CPT1C: variants seen among roughly 807,000 people sequenced by gnomAD.
CPT1C encodes the protein palmitoyl thioesterase CPT1C.
In CPT1C, 61 loss-of-function variants were observed where a neutral mutation model predicts 97.3. The observed-to-expected ratio is 0.63, with a 90% CI of 0.51 to 0.78. CPT1C has a LOEUF of 0.78. Ranked by LOEUF, CPT1C falls within the 30% of genes least tolerant of loss-of-function variation. CPT1C has a pLI of 0.00. For synonymous variants in CPT1C, 469 were observed against 447.2 expected, an observed-to-expected ratio of 1.05 and a Z score of -0.61; for missense variants, 975 against 1,065.5, an observed-to-expected ratio of 0.92 and a Z score of 1.18.
chr19:49,694,628 CAAA>C (rs1160047948), intron 3 of CPT1C, among the ~76,000 whole-genome samples: 9 of 64,802 alleles, frequency 1.4e-4, no homozygotes, highest in South Asian at 5.7e-4. Context: ...GACTCCGTTT[CAAA>C]AAAAAAAAAA....
At chr19:49,712,599 G>C in intron 17 of CPT1C, 137 bp from the exon 18 acceptor site, 1 of 666,232 alleles carries the variant, frequency 1.5e-6, no homozygotes, top group South Asian at 1.7e-5. Flanking sequence ...GGCGTGGTCA[G>C]GAGAAGGGCG....
At chr19:49,705,785 G>T in intron 10 of CPT1C, 124 bp from the exon 11 acceptor site, 1 of 860,266 alleles carries the variant, frequency 1.2e-6, no homozygotes, top group East Asian at 2.5e-5. Flanking sequence ...AAAAGTCCTA[G>T]GGTGCTGATG....
intron 14 of CPT1C, 52 bp downstream of exon 14, chr19:49,708,891 G>C: frequency 2.6e-6 from 3 of 1,173,044 alleles, no homozygotes; most frequent in Non-Finnish European, 3.8e-6. Context: ...TCCTAGCCTT[G>C]ACTTCAAACT....
intron 7 of CPT1C, among the ~76,000 whole-genome samples, chr19:49,702,591 G>C (rs1600093683): frequency 6.6e-6 from 1 of 150,442 alleles, no homozygotes; most frequent in African/African-American, 2.5e-5. Flanking sequence ...CTGCACTTCG[G>C]CCTGGGCCAC....
At chr19:49,696,922 G>A (rs551181207) in intron 3 of CPT1C, among the ~76,000 whole-genome samples, 5 of 150,462 alleles carry the variant, frequency 3.3e-5, no homozygotes, top group Admixed American at 6.6e-5. Flanking sequence ...GTGAGCCACC[G>A]CTGGTCTTGA....
At chr19:49,697,618 G>C in intron 4 of CPT1C, 153 bp downstream of exon 4, 1 of 881,238 alleles carries the variant, frequency 1.1e-6, no homozygotes, top group East Asian at 2.7e-5. Flanking sequence ...AGAAAAAGGA[G>C]GTGAGGCCGG....
Position 49,711,970 on chromosome 19 carries a change from A to G in CPT1C, c.2019+9A>G. ...CGCCCTTCCTGACCCAGGTTGGGGC[A>G]CAGGGAAAGGGTTAGAGAGGGAAGT... On this transcript the variant is annotated intron_variant, in intron 17 of 19. Coordinates refer to ENST00000598293, the MANE Select transcript of CPT1C (RefSeq NM_001199753.2). 6.2e-7 allele frequency: 1 copy of G among 1,613,370 alleles called. No homozygotes were observed. The highest frequency in any genetic ancestry group is 8.5e-7 in the Non-Finnish European group (1 of 1,179,550).
chr19:49,701,441 G>A lies in CPT1C; in HGVS notation c.555+23G>A, dbSNP rs756027963. ...AAGGTGGGCCTGGGAGCGCGCAGAC[G>A]GGCTGGGGCGGCCGGGGCGGGCCGG... On this transcript the variant is annotated intron_variant, in intron 6 of 19. Transcript: ENST00000598293. 80 of 1,589,850 alleles carry A rather than the reference G, an allele frequency of 5.0e-5. No individual in the cohort carries two copies. The Admixed American group carries it at 1.3e-3, about 26-fold the overall frequency.
chr19:49,699,261 T>C (rs1008936351), intron 4 of CPT1C, among the ~76,000 whole-genome samples: 4 of 150,812 alleles, frequency 2.7e-5, no homozygotes, highest in Non-Finnish European at 4.4e-5. Context: ...CTCGGATGAG[T>C]CCTCCCGGGG....
Position 49,705,115 on chromosome 19 carries a change from G to A in CPT1C, c.879+1G>A. On this transcript the variant is annotated splice_donor_variant, in intron 9 of 19. Transcript: ENST00000598293. LOFTEE classifies it high-confidence loss of function. The stretch of plus-strand genomic sequence containing the variant: ...CCTGAACCGCCAGGAGATACCCCCG[G>A]TGAGAGGGCCCCAGTGGGTTAGGGA... 1.2e-6 allele frequency: 2 copies of A among 1,614,046 alleles called. No individual in the cohort carries two copies. Among genetic ancestry groups the A allele is most frequent in the Non-Finnish European group, 1.7e-6 (2 of 1,179,954 alleles).
In CPT1C at chr19:49,713,524, G is replaced by T; in HGVS notation, c.2331G>T (p.Lys777Asn). ...HFKRRFRGSG[K>N]ENSRHRCGFL... The stretch of plus-strand genomic sequence containing the variant: ...AGCGCCGGTTCAGAGGGTCAGGGAA[G>T]GAGAACTCCAGGCACAGGTGTGGAT... The change falls in exon 20 of 20, where the codon AAG becomes AAT. Residue 777 changes from lysine (K) to asparagine (N), a missense_variant. Physicochemically the swap from Lys to Asn is moderately conservative, Grantham distance 94 (BLOSUM62 0). Coordinates refer to ENST00000598293, the MANE Select transcript of CPT1C (RefSeq NM_001199753.2). 1.2e-6 allele frequency: 2 copies of T among 1,614,226 alleles called. No individual in the cohort carries two copies. The highest frequency in any genetic ancestry group is 8.5e-7 in the Non-Finnish European group (1 of 1,180,038).
chr19:49,705,938 C>A lies in CPT1C; in HGVS notation c.994C>A (p.His332Asn). ...CATCCGCCACCTCCATGACAGCCAACACGTGGCTGTCTTCCACCGGGGCCG... is the reference window on the plus strand; with the variant it reads ...CATCCGCCACCTCCATGACAGCCAAAACGTGGCTGTCTTCCACCGGGGCCG... ...DYIRHLHDSQHVAVFHRGRFF... is the reference protein window; with the variant it reads ...DYIRHLHDSQNVAVFHRGRFF... The change falls in exon 11 of 20, where the codon CAC becomes AAC. Residue 332 changes from histidine (H) to asparagine (N), a missense_variant. Physicochemically the swap from His to Asn is moderately conservative, Grantham distance 68. Coordinates refer to ENST00000598293, the MANE Select transcript of CPT1C (RefSeq NM_001199753.2). 6.2e-7 allele frequency: 1 copy of A among 1,613,858 alleles called. No homozygotes were observed. The highest frequency in any genetic ancestry group is 8.5e-7 in the Non-Finnish European group (1 of 1,179,900).
chr19:49,692,482 T>C, intron 3 of CPT1C, 89 bp downstream of exon 3: 1 of 1,506,306 alleles, frequency 6.6e-7, no homozygotes, highest in Non-Finnish European at 9.0e-7. Flanking sequence ...TTTCAGCTGG[T>C]TCATTTCTGG....
chr19:49,704,725 G>A lies in CPT1C; in HGVS notation c.709G>A (p.Glu237Lys), dbSNP rs1600108164. 1.9e-6 allele frequency: 3 copies of A among 1,613,918 alleles called. No individual in the cohort carries two copies. The highest frequency in any genetic ancestry group is 8.5e-7 in the Non-Finnish European group (1 of 1,179,992). Reference sequence around the variant, plus strand: ...CCGCTCCCAGGTCAGTGACTGGTGGGAGGAATTTGTGTACCTGCGCTCCCG... The same window carrying A: ...CCGCTCCCAGGTCAGTGACTGGTGGAAGGAATTTGTGTACCTGCGCTCCCG... ...WASNYVSDWWEEFVYLRSRNP... is the reference protein window; with the variant it reads ...WASNYVSDWWKEFVYLRSRNP... The change falls in exon 8 of 20, where the codon GAG becomes AAG. Residue 237 changes from glutamate to lysine, a missense_variant. This residue lies in a region of CPT1C where 596 missense variants were observed against 603.1 expected (regional missense o/e 0.99). Transcript: ENST00000598293.
chr19:49,701,124 T>TGGGTCTCTGTCCCCCTCTCTCTCC, intron 5 of CPT1C, among the ~76,000 whole-genome samples, 193 bp from the exon 6 acceptor site: 1 of 140,160 alleles, frequency 7.1e-6, no homozygotes, highest in Admixed American at 7.2e-5. Flanking sequence ...CCTCTCTCTC[T>TGGGTCTCTGTCCCCCTCTCTCTCC]GGGTCTCTGT....
chr19:49,696,058 G>A (rs2082652335), intron 3 of CPT1C, among the ~76,000 whole-genome samples: 1 of 151,984 alleles, frequency 6.6e-6, no homozygotes, highest in Admixed American at 6.6e-5. Context: ...TGTATTTTTA[G>A]TAGAGATGGG....
chr19:49,701,399 T>A lies in CPT1C; in HGVS notation c.536T>A (p.Val179Glu). 6.2e-7 allele frequency: 1 copy of A among 1,612,818 alleles called. No individual in the cohort carries two copies. Among genetic ancestry groups the A allele is most frequent in the Non-Finnish European group, 8.5e-7 (1 of 1,179,438 alleles). Residue 179 changes from valine to glutamate, a missense_variant, in exon 6 of 20, where the codon GTG becomes GAG. By Grantham distance (121) the Val-to-Glu change is moderately radical. This residue lies in a region of CPT1C where 596 missense variants were observed against 603.1 expected (regional missense o/e 0.99). Transcript: ENST00000598293. Reference sequence around the variant, plus strand: ...CTGCCACGCCAGCCCGTGCCCTCTGTGCAGGACACCGTGCGCAAGGTGGGC... The same window carrying A: ...CTGCCACGCCAGCCCGTGCCCTCTGAGCAGGACACCGTGCGCAAGGTGGGC... ...RSLPRQPVPSVQDTVRKYLES... is the reference protein window; with the variant it reads ...RSLPRQPVPSEQDTVRKYLES...
intron 4 of CPT1C, among the ~76,000 whole-genome samples, chr19:49,698,852 C>T (rs936622951): frequency 1.3e-5 from 2 of 152,116 alleles, no homozygotes; most frequent in Admixed American, 6.6e-5. Context: ...CCTGTAATCC[C>T]AGCACTTTGG....
intron 4 of CPT1C, among the ~76,000 whole-genome samples, chr19:49,698,297 C>T (rs921421393): frequency 5.3e-5 from 8 of 151,292 alleles, no homozygotes; most frequent in Non-Finnish European, 1.0e-4. Flanking sequence ...CTCAGGAGGT[C>T]GAGGCTGCAG....
Sources: gnomAD v4.1 joint callset for allele counts (sites outside exome capture counted in the v4.1 genomes callset) on GRCh38, gnomAD v4.1.1 for gene constraint, gnomAD v4.1.1 regional missense constraint, MANE v1.5 for transcripts, NCBI Gene and HGNC (gene_info 2026-07-23, HGNC 2026-07-21) for gene names.